The following RIPK2 variants were observed in gnomAD, a reference collection of about 807,000 sequenced individuals.
RIPK2 encodes the protein receptor interacting serine/threonine kinase 2.
Under a neutral mutation model 60.9 loss-of-function variants are expected in RIPK2, and 38 were observed. The ratio of observed to expected loss-of-function variants is 0.62; its 90% confidence interval spans 0.48 to 0.82. RIPK2 has a LOEUF of 0.82. Among genes scored for constraint, RIPK2 ranks in the 40% least tolerant of loss-of-function variants. The pLI is 0.00. For missense variants in RIPK2, 518 were observed against 647.0 expected, an observed-to-expected ratio of 0.80 and a Z score of 2.16; for synonymous variants, 225 against 223.4, an observed-to-expected ratio of 1.01 and a Z score of -0.06.
chr8:89,761,587 C>T (rs747514085), intron 1 of RIPK2, among the ~76,000 whole-genome samples: 11 of 152,000 alleles, frequency 7.2e-5, no homozygotes, highest in Non-Finnish European at 1.2e-4. Context: ...TTGTATTCTA[C>T]TGTCATTCCC....
At chr8:89,785,022 A>C (rs73694489) in intron 8 of RIPK2, among the ~76,000 whole-genome samples, 3,035 of 152,248 alleles carry the variant, frequency 0.02, 103 homozygotes, top group African/African-American at 0.066. Context: ...CAAGCTATTC[A>C]TGAGGGATCT....
Position 89,783,993 on chromosome 8 carries a change from T to G in RIPK2, c.940-57T>G. The G allele has an allele frequency of 4.3e-6, 4 of 928,504 alleles. No individual in the cohort carries two copies. The South Asian group carries it at 6.0e-5, about 14-fold the overall frequency. 57.5% of individuals were successfully genotyped at this position (928,504 alleles called of 1,614,324 possible). ...AATGTGTTAGATTGTATTTTACTTC[T>G]ATAATTTCCTAATCATCTCCAGTTA... is the stretch of plus-strand genomic sequence containing the variant. On this transcript the variant is annotated intron_variant, in intron 7 of 10. Transcript: ENST00000220751.
At position 89,790,194 on chromosome 8, in the gene RIPK2, C is replaced by T. The variant is rs1809654043; in HGVS notation, c.1401C>T (p.Asp467=). The change falls in exon 11 of 11, where the codon GAC becomes GAT. Residue 467 remains aspartate (D), a synonymous_variant. Coordinates refer to ENST00000220751, the MANE Select transcript of RIPK2 (RefSeq NM_003821.6). ...CGCTAGATGCCCTTCTGTCCAGGGA[C>T]TTGATCATGAAAGAGGACTATGAAC... ...NQSLDALLSR[D]LIMKEDYELV... The T allele has an allele frequency of 1.2e-6, 2 of 1,613,950 alleles. No individual in the cohort carries two copies.
chr8:89,766,798 G>A (rs1013490167), intron 3 of RIPK2, among the ~76,000 whole-genome samples: 8 of 151,320 alleles, frequency 5.3e-5, no homozygotes, highest in Non-Finnish European at 5.9e-5. Flanking sequence ...CCACCCATAC[G>A]TGGTTTTCAG....
intron 5 of RIPK2, among the ~76,000 whole-genome samples, chr8:89,772,263 G>A (rs1369679402): frequency 6.6e-6 from 1 of 151,804 alleles, no homozygotes; most frequent in African/African-American, 2.4e-5. Flanking sequence ...TCTTTATTTT[G>A]AGGTTTGTGT....
At chr8:89,772,357 T>G (rs909634532) in intron 5 of RIPK2, among the ~76,000 whole-genome samples, 4 of 152,072 alleles carry the variant, frequency 2.6e-5, no homozygotes, top group Non-Finnish European at 4.4e-5. Flanking sequence ...TCACATTAAA[T>G]ATTGGTTGCT....
intron 9 of RIPK2, 94 bp downstream of exon 9, chr8:89,786,780 T>A: frequency 1.4e-6 from 1 of 738,340 alleles, no homozygotes; most frequent in Admixed American, 2.4e-5. Flanking sequence ...TATGGAACTT[T>A]AATTTGCATA....
At chr8:89,779,775 TTATCTGTTTCCAGGTGTA>T (rs1388142147) in intron 6 of RIPK2, among the ~76,000 whole-genome samples, 1 of 152,232 alleles carries the variant, frequency 6.6e-6, no homozygotes. Flanking sequence ...GTATCTAAAT[TTATCTGTTTCCAGGTGTA>T]TATCCAACTG....
intron 7 of RIPK2, 74 bp from the exon 8 acceptor site, chr8:89,783,976 A>G (rs55881928): frequency 0.02 from 15,198 of 776,176 alleles, 1,135 homozygotes; most frequent in African/African-American, 0.19. Flanking sequence ...AAAATGTGTT[A>G]GATTGTATTT....
In RIPK2 at chr8:89,790,503, T is replaced by C. The variant is rs1403747831; in HGVS notation, c.*87T>C. ...ACTTTTTTTATATAAAATCCGTGAG[T>C]ATTAAAGCTTTATTGAAGGTTCTTT... On this transcript the variant is annotated 3_prime_UTR_variant, in exon 11 of 11. Transcript: ENST00000220751. 2.1e-6 allele frequency: 2 copies of C among 939,822 alleles called. No individual in the cohort carries two copies. Among genetic ancestry groups the C allele is most frequent in the African/African-American group, 1.7e-5 (1 of 60,038 alleles). The allele number at this position is 939,822 out of a possible 1,614,324, so 58.2% of individuals were successfully genotyped here.
At position 89,789,407 on chromosome 8, in the gene RIPK2, G is replaced by A; in HGVS notation, c.1210G>A (p.Ala404Thr). 2 of 1,614,006 alleles carry A rather than the reference G, an allele frequency of 1.2e-6. No homozygotes were observed. Among genetic ancestry groups the A allele is most frequent in the South Asian group, 1.1e-5 (1 of 91,076 alleles). Residue 404 changes from alanine (A) to threonine (T), a missense_variant, in exon 10 of 11, where the codon GCT becomes ACT. Ala to Thr is a moderately conservative substitution (Grantham distance 58, BLOSUM62 0). Transcript: ENST00000220751. ...TAGCACCATTTCTGGATCTCAAAGGGCTGCATTCTGTGATCACAAGACCAC... is the reference window on the plus strand; with the variant it reads ...TAGCACCATTTCTGGATCTCAAAGGACTGCATTCTGTGATCACAAGACCAC... Reference protein sequence around the residue: ...WDSTISGSQRAAFCDHKTTPC... With the variant: ...WDSTISGSQRTAFCDHKTTPC...
chr8:89,759,459 C>T (rs1451143923), intron 1 of RIPK2: 4 of 451,322 alleles, frequency 8.9e-6, no homozygotes, highest in Non-Finnish European at 1.8e-5. Context: ...GAGTATCCAG[C>T]ATCAGATAAA....
chr8:89,789,447 C>T lies in RIPK2; in HGVS notation c.1250C>T (p.Ala417Val), dbSNP rs773213853. ...CACAAGACCACTCCATGCTCTTCAG[C>T]AATAATAAATCCACTCTCAACTGCA... is the stretch of plus-strand genomic sequence containing the variant. ...CDHKTTPCSS[A>V]IINPLSTAGN... Residue 417 changes from alanine to valine, a missense_variant, in exon 10 of 11, where the codon GCA (alanine) becomes GTA (valine). Physicochemically the swap from Ala to Val is moderately conservative, Grantham distance 64. This residue lies in a region of RIPK2 where 448 missense variants were observed against 534.7 expected (regional missense o/e 0.84). Transcript: ENST00000220751. 6.2e-7 allele frequency: 1 copy of T among 1,613,728 alleles called. No individual in the cohort carries two copies. Among genetic ancestry groups the T allele is most frequent in the Admixed American group, 1.7e-5 (1 of 59,966 alleles).
chr8:89,790,642 A>G lies in RIPK2; in HGVS notation c.*226A>G, dbSNP rs1210373003. 2 of 404,586 alleles carry G rather than the reference A, an allele frequency of 4.9e-6. No homozygotes were observed. The highest frequency in any genetic ancestry group is 4.1e-5 in the East Asian group (1 of 24,346). 25.1% of individuals were successfully genotyped at this position (404,586 alleles called of 1,614,324 possible). On this transcript the variant is annotated 3_prime_UTR_variant, in exon 11 of 11. Transcript: ENST00000220751. The stretch of plus-strand genomic sequence containing the variant: ...TTTTATGTCTCTTTTGTTAACAGAA[A>G]CCACTTTTAAAGGATAGTAATTATT...
Position 89,757,954 on chromosome 8 carries a change from G to T in RIPK2, c.-107G>T. On this transcript the variant is annotated 5_prime_UTR_variant, in exon 1 of 11. Transcript: ENST00000220751. ...GTTGCGGGGCAAAAAGGGTCTTGCC[G>T]GCCTCGCTCGTGCAGGGGCGTATCT... 19 of 1,415,676 alleles carry T rather than the reference G, an allele frequency of 1.3e-5. No homozygotes were observed. The highest frequency in any genetic ancestry group is 1.7e-5 in the Non-Finnish European group (19 of 1,086,834). The allele number at this position is 1,415,676 out of a possible 1,614,324, so 87.7% of individuals were successfully genotyped here. A position where few individuals can be genotyped will look rare whatever the true frequency, so the allele number is the denominator to read the frequency against.
chr8:89,789,301 G>T lies in RIPK2; in HGVS notation c.1124-20G>T. On this transcript the variant is annotated intron_variant, in intron 9 of 10. Coordinates refer to ENST00000220751, the MANE Select transcript of RIPK2 (RefSeq NM_003821.6). Reference sequence around the variant, plus strand: ...TTCTAAGGAGTATTCTACTTCTAATGAAGATGTTGTATTTTGTAGGAAAAG... The same window carrying T: ...TTCTAAGGAGTATTCTACTTCTAATTAAGATGTTGTATTTTGTAGGAAAAG... 4 of 1,608,070 alleles carry T rather than the reference G, an allele frequency of 2.5e-6. No homozygotes were observed. The highest frequency in any genetic ancestry group is 2.6e-6 in the Non-Finnish European group (3 of 1,175,306).
intron 2 of RIPK2, among the ~76,000 whole-genome samples, chr8:89,764,894 C>T (rs1057321319): frequency 9.2e-5 from 14 of 151,872 alleles, no homozygotes; most frequent in Admixed American, 5.9e-4. Flanking sequence ...AATTAAAATA[C>T]AAATTTTGAA....
intron 6 of RIPK2, among the ~76,000 whole-genome samples, chr8:89,776,877 G>A (rs1809405654): frequency 1.3e-5 from 2 of 152,278 alleles, no homozygotes; most frequent in South Asian, 2.1e-4. Context: ...CAAAATATGT[G>A]AAACTGGTTT....
At chr8:89,773,673 A>T (rs1250811047) in intron 6 of RIPK2, among the ~76,000 whole-genome samples, 1 of 152,170 alleles carries the variant, frequency 6.6e-6, no homozygotes, top group Non-Finnish European at 1.5e-5. Context: ...AAGAGGCTAG[A>T]AAAGACACTT....
Sources: allele counts gnomAD v4.1 joint callset (sites outside exome capture counted in the v4.1 genomes callset), GRCh38; gene constraint gnomAD v4.1.1; regional missense constraint gnomAD v4.1.1; transcripts MANE v1.5; gene names NCBI Gene and HGNC (gene_info 2026-07-23, HGNC 2026-07-21).